PLXNA4: variants seen among roughly 807,000 people sequenced by gnomAD.
PLXNA4 encodes plexin-A4.
A neutral mutation model predicts 191.8 loss-of-function variants in PLXNA4; 44 were observed. That is an observed-to-expected ratio of 0.23 (90% CI 0.18 to 0.29). The LOEUF is 0.29. Ranked by LOEUF, PLXNA4 falls within the 10% of genes least tolerant of loss-of-function variation. The pLI is 1.00. For missense variants in PLXNA4, 1,800 were observed against 2,488.8 expected, an observed-to-expected ratio of 0.72 and a Z score of 5.89; for synonymous variants, 1,082 against 1,009.5, an observed-to-expected ratio of 1.07 and a Z score of -1.36.
chr7:132,194,218 C>A, intron 13 of PLXNA4, 39 bp from the exon 14 acceptor site: 1 of 1,589,666 alleles, frequency 6.3e-7, no homozygotes, highest in Non-Finnish European at 8.6e-7. Context: ...GGTCACAGGA[C>A]TTCCAGCCAA....
chr7:132,534,475 A>G (rs2116458761), intron 1 of PLXNA4, among the ~76,000 whole-genome samples: 1 of 152,256 alleles, frequency 6.6e-6, no homozygotes, highest in South Asian at 2.1e-4. Context: ...AGCCTGATGC[A>G]GAGACCGAGA....
chr7:132,276,249 T>C (rs1800273594), intron 4 of PLXNA4, among the ~76,000 whole-genome samples: 1 of 152,182 alleles, frequency 6.6e-6, no homozygotes, highest in South Asian at 2.1e-4. Flanking sequence ...CTAAAATTGT[T>C]CACACCCCCA....
chr7:132,639,142 C>T (rs778800933), intron 2 of PLXNA4, among the ~76,000 whole-genome samples: 19 of 152,190 alleles, frequency 1.2e-4, no homozygotes, highest in Non-Finnish European at 2.5e-4. Flanking sequence ...TAACCCAGGC[C>T]AGTGGGCCCA....
chr7:132,277,589 C>G (rs1800327117), intron 4 of PLXNA4, among the ~76,000 whole-genome samples: 1 of 152,192 alleles, frequency 6.6e-6, no homozygotes, highest in Admixed American at 6.5e-5. Flanking sequence ...AGGGAGGACA[C>G]ACACCATGTG....
intron 14 of PLXNA4, among the ~76,000 whole-genome samples, chr7:132,190,211 C>T (rs560278890): frequency 9.7e-4 from 148 of 152,326 alleles, no homozygotes; most frequent in Non-Finnish European, 1.5e-3. Context: ...TTGTATTATA[C>T]AAATTCCATC....
intron 3 of PLXNA4, among the ~76,000 whole-genome samples, chr7:132,359,062 G>T (rs1204315101): frequency 2.0e-5 from 3 of 152,188 alleles, no homozygotes; most frequent in African/African-American, 7.2e-5. Context: ...CCCTGAGAAA[G>T]CCATTCGACC....
intron 3 of PLXNA4, among the ~76,000 whole-genome samples, chr7:132,410,114 C>T (rs1269119792): frequency 6.6e-6 from 1 of 152,226 alleles, no homozygotes; most frequent in Non-Finnish European, 1.5e-5. Flanking sequence ...ACTCTCCCTC[C>T]TGCTTCTAGG....
chr7:132,384,825 T>G (rs1436529469), intron 3 of PLXNA4: 1 of 1,133,770 alleles, frequency 8.8e-7, no homozygotes, highest in African/African-American at 1.7e-5. Flanking sequence ...AGTGGACAGA[T>G]GAGCATAAGG....
intron 3 of PLXNA4, among the ~76,000 whole-genome samples, chr7:132,410,798 G>C (rs139954921): frequency 6.6e-6 from 1 of 152,074 alleles, no homozygotes; most frequent in Non-Finnish European, 1.5e-5. Context: ...AACCTGCCTC[G>C]ACTCCAGCTA....
intron 4 of PLXNA4, among the ~76,000 whole-genome samples, chr7:132,270,330 T>G (rs1800018579): frequency 6.6e-6 from 1 of 152,096 alleles, no homozygotes; most frequent in Non-Finnish European, 1.5e-5. Context: ...GCTTAAAAAG[T>G]CTAGAAATTA....
At chr7:132,253,262 G>A (rs1799319537) in intron 4 of PLXNA4, among the ~76,000 whole-genome samples, 1 of 136,562 alleles carries the variant, frequency 7.3e-6, no homozygotes, top group Non-Finnish European at 1.5e-5. Flanking sequence ...TTGAGATAGA[G>A]TCTCACTCTG....
chr7:132,266,542 T>A (rs1347355761), intron 4 of PLXNA4, among the ~76,000 whole-genome samples: 1 of 152,246 alleles, frequency 6.6e-6, no homozygotes, highest in Admixed American at 6.5e-5. Context: ...CCTTTTAATC[T>A]ATCTCTCTGT....
At chr7:132,420,433 G>A (rs1794810402) in intron 3 of PLXNA4, among the ~76,000 whole-genome samples, 1 of 152,062 alleles carries the variant, frequency 6.6e-6, no homozygotes, top group African/African-American at 2.4e-5. Context: ...TCATCCTCTG[G>A]TGCTCCTTGG....
chr7:132,400,652 G>C (rs1398816838), intron 3 of PLXNA4, among the ~76,000 whole-genome samples: 1 of 152,070 alleles, frequency 6.6e-6, no homozygotes, highest in African/African-American at 2.4e-5. Context: ...AGCCTCCAGG[G>C]GTACCATCCG....
chr7:132,237,934 A>G (rs1393742308), intron 5 of PLXNA4, among the ~76,000 whole-genome samples: 1 of 152,216 alleles, frequency 6.6e-6, no homozygotes, highest in Non-Finnish European at 1.5e-5. Flanking sequence ...CTGAGGTGGG[A>G]TAAGGCAGCC....
At chr7:132,521,234 A>G (rs1279567194) in intron 1 of PLXNA4, among the ~76,000 whole-genome samples, 3 of 151,674 alleles carry the variant, frequency 2.0e-5, no homozygotes, top group African/African-American at 7.2e-5. Context: ...TTTTGGGGCC[A>G]GGCACTACTA....
intron 4 of PLXNA4, among the ~76,000 whole-genome samples, chr7:132,269,787 A>G (rs1584926852): frequency 6.6e-6 from 1 of 151,842 alleles, no homozygotes; most frequent in Non-Finnish European, 1.5e-5. Flanking sequence ...AGTGGCTGCC[A>G]GGTTTGGATG....
intron 3 of PLXNA4, among the ~76,000 whole-genome samples, chr7:132,459,389 A>G (rs1462672189): frequency 6.6e-6 from 1 of 152,186 alleles, no homozygotes; most frequent in Non-Finnish European, 1.5e-5. Flanking sequence ...CTTCTTGATC[A>G]TAATCTGTCA....
At chr7:132,237,905 C>A (rs1275555761) in intron 5 of PLXNA4, among the ~76,000 whole-genome samples, 1 of 152,190 alleles carries the variant, frequency 6.6e-6, no homozygotes, top group Non-Finnish European at 1.5e-5. Context: ...TTTGAGTGAT[C>A]TGGCACGCAC....
Sources: gnomAD v4.1 joint callset for allele counts (sites outside exome capture counted in the v4.1 genomes callset) on GRCh38, gnomAD v4.1.1 for gene constraint, MANE v1.5 for transcripts, NCBI Gene and HGNC (gene_info 2026-07-23, HGNC 2026-07-21) for gene names.